Variants in NOS1 observed in about 807,000 individuals in gnomAD.
NOS1 encodes nitric oxide synthase 1.
In NOS1, 51 loss-of-function variants were observed where a neutral mutation model predicts 164.5. That is an observed-to-expected ratio of 0.31 (90% CI 0.25 to 0.39). The LOEUF (loss-of-function observed/expected upper bound fraction) is 0.39, where lower values mean the gene tolerates loss of function less well. Among genes scored for constraint, NOS1 ranks in the 10% least tolerant of loss-of-function variants. NOS1 has a pLI of 1.00. For missense variants in NOS1, 1,362 were observed against 1,885.6 expected, an observed-to-expected ratio of 0.72 and a Z score of 5.14; for synonymous variants, 719 against 745.8, an observed-to-expected ratio of 0.96 and a Z score of 0.59.
At chr12:117,256,241 G>A (rs367784198) in intron 16 of NOS1, among the ~76,000 whole-genome samples, 6 of 149,838 alleles carry the variant, frequency 4.0e-5, no homozygotes, top group African/African-American at 5.0e-5. Context: ...ATGTGAATAC[G>A]GCAGCATGTT....
At chr12:117,216,184 AT>A (rs35267348) in intron 28 of NOS1, among the ~76,000 whole-genome samples, 3,852 of 125,564 alleles carry the variant, frequency 0.031, 128 homozygotes, top group East Asian at 0.13. Flanking sequence ...GTCAAAAGGG[AT>A]TTTTTTTTTT....
At chr12:117,300,774 C>A (rs1873765202) in intron 3 of NOS1, among the ~76,000 whole-genome samples, 1 of 152,126 alleles carries the variant, frequency 6.6e-6, no homozygotes, top group Admixed American at 6.5e-5. Context: ...ATGAGTTGGA[C>A]TGCAGCTTAG....
intron 13 of NOS1, among the ~76,000 whole-genome samples, chr12:117,262,016 G>T (rs1871945210): frequency 6.6e-6 from 1 of 152,154 alleles, no homozygotes; most frequent in Admixed American, 6.5e-5. Context: ...GTTGTAACTA[G>T]AAATCTCAGT....
intron 1 of NOS1, among the ~76,000 whole-genome samples, chr12:117,333,731 G>T (rs539501855): frequency 1.1e-4 from 17 of 152,200 alleles, no homozygotes; most frequent in Non-Finnish European, 2.1e-4. Flanking sequence ...TCATTTCTCT[G>T]CTGTGTGTGG....
At chr12:117,309,909 G>GT (rs1874346173) in intron 3 of NOS1, among the ~76,000 whole-genome samples, 1 of 151,974 alleles carries the variant, frequency 6.6e-6, no homozygotes, top group South Asian at 2.1e-4. Flanking sequence ...ATTCTATTTT[G>GT]TTTTTTTGAG....
intron 13 of NOS1, among the ~76,000 whole-genome samples, chr12:117,262,663 T>C (rs1271566322): frequency 6.6e-6 from 1 of 152,140 alleles, no homozygotes; most frequent in Non-Finnish European, 1.5e-5. Context: ...TTATCATACA[T>C]AGAGAATTCT....
At chr12:117,296,275 T>C (rs1439307976) in intron 3 of NOS1, among the ~76,000 whole-genome samples, 1 of 152,186 alleles carries the variant, frequency 6.6e-6, no homozygotes. Flanking sequence ...TGATAGTTAA[T>C]ACTGAGTGTC....
At chr12:117,262,465 G>A (rs1229397195) in intron 13 of NOS1, among the ~76,000 whole-genome samples, 1 of 142,748 alleles carries the variant, frequency 7.0e-6, no homozygotes, top group Non-Finnish European at 1.5e-5. Context: ...AGGAGAGGGA[G>A]GGAGGGAGAG....
At chr12:117,320,652 G>A (rs1323748318) in intron 2 of NOS1, among the ~76,000 whole-genome samples, 2 of 152,178 alleles carry the variant, frequency 1.3e-5, no homozygotes, top group Admixed American at 1.3e-4. Flanking sequence ...ATGAATGGGG[G>A]CGGGGACAGG....
In NOS1 at chr12:117,212,458, A is replaced by G; in HGVS notation, c.*2851T>C. 2.0e-6 allele frequency: 2 copies of G among 985,398 alleles called. No homozygotes were observed. The highest frequency in any genetic ancestry group is 2.4e-6 in the Non-Finnish European group (2 of 829,956). The allele number at this position is 985,398 out of a possible 1,614,324, so 61.0% of individuals were successfully genotyped here. On this transcript the variant is annotated 3_prime_UTR_variant, in exon 29 of 29. Coordinates refer to ENST00000317775, the MANE Select transcript of NOS1 (RefSeq NM_000620.5). ...ACCAAAAGAAGCCCTCTCTCCTCCC[A>G]AGGAGTTTAACATCATCTCTCTGCT...
At position 117,331,405 on chromosome 12, in the gene NOS1, A is replaced by G. The variant is rs899611421; in HGVS notation, c.-336T>C. The stretch of plus-strand genomic sequence containing the variant: ...GATGCGTCTGATGGCTGTGTCTAGA[A>G]GTGACGCATGATAGATGTGAACTAT... On this transcript the variant is annotated 5_prime_UTR_variant, in exon 2 of 29. Transcript: ENST00000317775. 9.5e-6 allele frequency: 3 copies of G among 316,254 alleles called. No homozygotes were observed. Among genetic ancestry groups the G allele is most frequent in the Non-Finnish European group, 1.8e-5 (3 of 168,056 alleles). 19.6% of individuals were successfully genotyped at this position (316,254 alleles called of 1,614,324 possible). A position where few individuals can be genotyped will look rare whatever the true frequency, so the allele number is the denominator to read the frequency against.
Position 117,227,658 on chromosome 12 carries a change from G to A in NOS1, c.3406-17C>T. On this transcript the variant is annotated splice_polypyrimidine_tract_variant and intron_variant, in intron 22 of 28. Coordinates refer to ENST00000317775, the MANE Select transcript of NOS1 (RefSeq NM_000620.5). ...CTGCAAACCCTGTGCCAAGGAGATG[G>A]ACAGAGACAAGCTTGAACCCAGCTG... is the stretch of plus-strand genomic sequence containing the variant. 1 of 1,613,124 alleles carries A rather than the reference G, an allele frequency of 6.2e-7. No individual in the cohort carries two copies. The highest frequency in any genetic ancestry group is 1.7e-5 in the Admixed American group (1 of 60,014).
intron 10 of NOS1, among the ~76,000 whole-genome samples, chr12:117,270,419 T>A (rs1872708079): frequency 6.6e-6 from 1 of 152,052 alleles, no homozygotes. Flanking sequence ...ACTTATTAAC[T>A]CACTCTTTGA....
chr12:117,216,421 A>T (rs916638679), intron 28 of NOS1, among the ~76,000 whole-genome samples: 1 of 151,558 alleles, frequency 6.6e-6, no homozygotes, highest in Admixed American at 6.6e-5. Flanking sequence ...TGACCTCATG[A>T]TCCACCGGCC....
At position 117,220,139 on chromosome 12, in the gene NOS1, C is replaced by T. The variant is rs759876695; in HGVS notation, c.4106G>A (p.Arg1369His). ...MAADVLKAIQ[R>H]IMTQQGKLSA... ...GAGCTTCCCCTGCTGGGTCATGATG[C>T]GCTGGATGGCTTTGAGGACATCAGC... The change falls in exon 27 of 29, where the codon CGC becomes CAC. Residue 1369 changes from arginine to histidine, a missense_variant. Transcript: ENST00000317775. 40 of 1,613,836 alleles carry T rather than the reference C, an allele frequency of 2.5e-5. No homozygotes were observed. Among genetic ancestry groups the T allele is most frequent in the Admixed American group, 5.0e-5 (3 of 59,994 alleles).
intron 7 of NOS1, among the ~76,000 whole-genome samples, chr12:117,284,385 G>A (rs963788950): frequency 1.4e-4 from 22 of 152,186 alleles, no homozygotes; most frequent in African/African-American, 5.3e-4. Context: ...CCAGCCACAT[G>A]GATGTCTGCC....
chr12:117,323,101 T>C (rs1205759673), intron 2 of NOS1, among the ~76,000 whole-genome samples: 1 of 152,164 alleles, frequency 6.6e-6, no homozygotes, highest in Admixed American at 6.5e-5. Flanking sequence ...CAGCCTTTTA[T>C]TCTGAGGAAG....
Position 117,213,458 on chromosome 12 carries a change from C to T in NOS1, c.*1851G>A, listed in dbSNP as rs556227978. 3.0e-6 allele frequency: 3 copies of T among 985,454 alleles called. No homozygotes were observed. The African/African-American group carries it at 5.2e-5, about 17-fold the overall frequency. 61.0% of individuals were successfully genotyped at this position (985,454 alleles called of 1,614,324 possible). On this transcript the variant is annotated 3_prime_UTR_variant, in exon 29 of 29. Coordinates refer to ENST00000317775, the MANE Select transcript of NOS1 (RefSeq NM_000620.5). ...GGAAGGCAGGGGAGATTATAGCTGGCATGAAGTCAAGCTCCATGTGGCAGG... is the reference window on the plus strand; with the variant it reads ...GGAAGGCAGGGGAGATTATAGCTGGTATGAAGTCAAGCTCCATGTGGCAGG...
chr12:117,263,389 T>C (rs1157087193), intron 13 of NOS1, among the ~76,000 whole-genome samples: 3 of 151,858 alleles, frequency 2.0e-5, no homozygotes, highest in African/African-American at 7.3e-5. Context: ...CCTAGCACTT[T>C]GGGAGGCTGA....
Sources: allele counts gnomAD v4.1 joint callset (sites outside exome capture counted in the v4.1 genomes callset), GRCh38; gene constraint gnomAD v4.1.1; transcripts MANE v1.5; gene names NCBI Gene and HGNC (gene_info 2026-07-23, HGNC 2026-07-21).